Variants in BRINP3 observed in about 807,000 individuals in gnomAD.
BRINP3 encodes the protein BMP/retinoic acid-inducible neural-specific protein 3.
A neutral mutation model predicts 71.0 loss-of-function variants in BRINP3; 19 were observed. The ratio of observed to expected loss-of-function variants is 0.27; its 90% confidence interval spans 0.19 to 0.39. The LOEUF (loss-of-function observed/expected upper bound fraction) is 0.39. BRINP3 is among the 10% of genes least tolerant of loss of function. The pLI is 1.00. For synonymous variants in BRINP3, 380 were observed against 337.7 expected, an observed-to-expected ratio of 1.13 and a Z score of -1.37; for missense variants, 959 against 940.8, an observed-to-expected ratio of 1.02 and a Z score of -0.25.
chr1:190,220,594 G>A (rs1182996941), intron 6 of BRINP3, among the ~76,000 whole-genome samples: 2 of 152,086 alleles, frequency 1.3e-5, no homozygotes, highest in East Asian at 3.9e-4. Flanking sequence ...GCTTCAATTT[G>A]TCTGGCGACA....
At chr1:190,111,609 GGA>G (rs2102283658) in intron 7 of BRINP3, among the ~76,000 whole-genome samples, 1 of 152,228 alleles carries the variant, frequency 6.6e-6, no homozygotes, top group Admixed American at 6.5e-5. Flanking sequence ...GTCTAATGTG[GGA>G]GAGTCTTGGA....
intron 2 of BRINP3, among the ~76,000 whole-genome samples, chr1:190,324,010 T>TGACTG (rs1321952960): frequency 6.6e-6 from 1 of 151,960 alleles, no homozygotes; most frequent in Non-Finnish European, 1.5e-5. Flanking sequence ...AAAATATCAA[T>TGACTG]GACTGCTTTT....
At chr1:190,329,907 A>T (rs767330101) in intron 2 of BRINP3, among the ~76,000 whole-genome samples, 32 of 152,128 alleles carry the variant, frequency 2.1e-4, no homozygotes, top group East Asian at 3.9e-4. Flanking sequence ...ACTCTAATAT[A>T]TGGTGCTGGG....
At position 190,445,536 on chromosome 1, in the gene BRINP3, A is replaced by G. The variant is rs190413244; in HGVS notation, c.236+9119T>C. Among the ~76,000 whole-genome samples, 62 of 151,466 alleles carry G rather than the reference A, an allele frequency of 4.1e-4. 1 individual carries two copies. In the East Asian group the frequency reaches 0.011, roughly 26 times the overall value. On this transcript the variant is annotated intron_variant, in intron 2 of 7. Transcript: ENST00000367462. ...TTCTCATTAAATTTGATTTAAGTAT[A>G]CACACGCATACACACACGCACGTGC... is the stretch of plus-strand genomic sequence containing the variant.
chr1:190,383,309 C>T (rs1670671473), intron 2 of BRINP3, among the ~76,000 whole-genome samples: 1 of 152,006 alleles, frequency 6.6e-6, no homozygotes, highest in South Asian at 2.1e-4. Flanking sequence ...CTTTAGGTTG[C>T]AATATTATGG....
chr1:190,455,999 T>G (rs535884408), intron 1 of BRINP3, among the ~76,000 whole-genome samples: 1 of 152,260 alleles, frequency 6.6e-6, no homozygotes, highest in East Asian at 1.9e-4. Flanking sequence ...CACTACAGAG[T>G]GCAAAGATTC....
intron 7 of BRINP3, among the ~76,000 whole-genome samples, chr1:190,141,625 G>A (rs185590342): frequency 8.9e-5 from 11 of 122,962 alleles, no homozygotes; most frequent in African/African-American, 2.5e-4. Context: ...GAAGTGGCAC[G>A]ATCTCCGCTC....
intron 4 of BRINP3, among the ~76,000 whole-genome samples, chr1:190,254,253 C>A (rs1331115027): frequency 6.6e-6 from 1 of 150,882 alleles, no homozygotes; most frequent in Non-Finnish European, 1.5e-5. Context: ...AATGCAGGCT[C>A]TCTTTTAATT....
At position 190,160,871 on chromosome 1, in the gene BRINP3, C is replaced by A; in HGVS notation, c.981G>T (p.Met327Ile). The change falls in exon 7 of 8, where the codon ATG becomes ATT. Residue 327 changes from methionine (M) to isoleucine (I), a missense_variant. Met to Ile is a conservative substitution (Grantham distance 10). Transcript: ENST00000367462. Reference sequence around the variant, plus strand: ...GGAAATAATTCATAGGTAGCCTTTTCATAAATAACTTGAATTCATCTGAAA... The same window carrying A: ...GGAAATAATTCATAGGTAGCCTTTTAATAAATAACTTGAATTCATCTGAAA... Reference protein sequence around the residue: ...FEESDEFKLFMKRLPMNYFLN... With the variant: ...FEESDEFKLFIKRLPMNYFLN... 2.5e-6 allele frequency: 4 copies of A among 1,601,888 alleles called. No homozygotes were observed. The highest frequency in any genetic ancestry group is 3.4e-6 in the Non-Finnish European group (4 of 1,174,936).
intron 2 of BRINP3, among the ~76,000 whole-genome samples, chr1:190,362,701 A>G (rs952261478): frequency 6.6e-6 from 1 of 152,170 alleles, no homozygotes; most frequent in African/African-American, 2.4e-5. Flanking sequence ...TAGTGGGTTA[A>G]GTCTCACAAA....
At chr1:190,119,377 A>G (rs1343855938) in intron 7 of BRINP3, among the ~76,000 whole-genome samples, 1 of 151,920 alleles carries the variant, frequency 6.6e-6, no homozygotes, top group African/African-American at 2.4e-5. Flanking sequence ...CCTGGGTTCA[A>G]ATTATTCTCC....
intron 2 of BRINP3, among the ~76,000 whole-genome samples, chr1:190,412,271 A>C (rs1460241353): frequency 6.6e-6 from 1 of 151,722 alleles, no homozygotes; most frequent in African/African-American, 2.4e-5. Flanking sequence ...GTGAGATTTT[A>C]ATTGTCATGT....
intron 6 of BRINP3, among the ~76,000 whole-genome samples, chr1:190,181,522 G>C (rs1653029066): frequency 6.6e-6 from 1 of 151,784 alleles, no homozygotes; most frequent in Non-Finnish European, 1.5e-5. Context: ...TGATTTACCT[G>C]TAGTATTTTA....
intron 1 of BRINP3, among the ~76,000 whole-genome samples, chr1:190,462,396 A>G (rs1404310571): frequency 1.3e-5 from 2 of 152,150 alleles, no homozygotes; most frequent in Non-Finnish European, 2.9e-5. Flanking sequence ...ATGAAAGTCA[A>G]ACCTAGATCC....
At chr1:190,211,212 T>C (rs1015549532) in intron 6 of BRINP3, among the ~76,000 whole-genome samples, 1 of 152,054 alleles carries the variant, frequency 6.6e-6, no homozygotes, top group Non-Finnish European at 1.5e-5. Context: ...GTTGCAGTGA[T>C]CTGAGATCGT....
At chr1:190,156,992 A>C (rs1466982333) in intron 7 of BRINP3, among the ~76,000 whole-genome samples, 1 of 151,944 alleles carries the variant, frequency 6.6e-6, no homozygotes. Context: ...CTTCCATGAT[A>C]TATTTTACTC....
At chr1:190,215,539 T>G (rs12125097) in intron 6 of BRINP3, among the ~76,000 whole-genome samples, 59,242 of 151,716 alleles carry the variant, frequency 0.39, 12,789 homozygotes, top group Non-Finnish European at 0.49. Context: ...TAAAGAAAAT[T>G]AATAGTTTAC....
At chr1:190,173,621 C>T (rs1325583118) in intron 6 of BRINP3, among the ~76,000 whole-genome samples, 1 of 152,088 alleles carries the variant, frequency 6.6e-6, no homozygotes, top group Non-Finnish European at 1.5e-5. Flanking sequence ...ATCTCAAGAA[C>T]CCTTTACATT....
intron 4 of BRINP3, among the ~76,000 whole-genome samples, chr1:190,242,589 C>T (rs1230453109): frequency 3.3e-5 from 5 of 151,942 alleles, no homozygotes; most frequent in Admixed American, 6.6e-5. Flanking sequence ...TAATTTTATT[C>T]CTCATAATTT....
Sources: allele counts gnomAD v4.1 joint callset (sites outside exome capture counted in the v4.1 genomes callset), GRCh38; gene constraint gnomAD v4.1.1; transcripts MANE v1.5; gene names NCBI Gene and HGNC (gene_info 2026-07-23, HGNC 2026-07-21).